Variants in ARMC9 observed in about 807,000 individuals in gnomAD.
ARMC9 encodes lisH domain-containing protein ARMC9.
Under a neutral mutation model 107.0 loss-of-function variants are expected in ARMC9, and 94 were observed. The observed-to-expected ratio is 0.88, with a 90% CI of 0.74 to 1.04. The LOEUF (loss-of-function observed/expected upper bound fraction) is 1.04. Among genes scored for constraint, ARMC9 ranks in the 50% least tolerant of loss-of-function variants. The pLI is 0.00. For missense variants in ARMC9, 942 were observed against 1,030.1 expected (o/e 0.91, Z 1.17); for synonymous variants, 380 against 396.9 (o/e 0.96, Z 0.51).
chr2:231,323,916 G>A (rs2043142150), intron 19 of ARMC9, among the ~76,000 whole-genome samples: 1 of 152,090 alleles, frequency 6.6e-6, no homozygotes, highest in Non-Finnish European at 1.5e-5. Flanking sequence ...AGAAACTGAG[G>A]CAGCGGAAGC....
chr2:231,276,654 G>A lies in ARMC9; in HGVS notation c.1353G>A (p.Ala451=), dbSNP rs775401209. The A allele has an allele frequency of 9.3e-6, 15 of 1,614,056 alleles. No individual in the cohort carries two copies. The highest frequency in any genetic ancestry group is 4.0e-5 in the African/African-American group (3 of 74,918). Residue 451 remains alanine, a synonymous_variant, in exon 15 of 25, where the codon GCG becomes GCA. Coordinates refer to ENST00000611582, the MANE Select transcript of ARMC9 (RefSeq NM_001352754.2). ...KFSLRRPLQT[A]MIQDGLIFWL... ...TTCCCAGGCGCCCGCTGCAGACAGC[G>A]ATGATTCAAGACGGCCTCATCTTCT...
chr2:231,246,663 C>T (rs1226538315), intron 9 of ARMC9, among the ~76,000 whole-genome samples: 1 of 152,178 alleles, frequency 6.6e-6, no homozygotes, highest in African/African-American at 2.4e-5. Flanking sequence ...CTGCCATGAA[C>T]ATATGAGTAC....
chr2:231,337,510 C>A (rs1472259665), intron 20 of ARMC9, among the ~76,000 whole-genome samples: 133 of 120,304 alleles, frequency 1.1e-3, no homozygotes, highest in African/African-American at 1.3e-3. Flanking sequence ...CGCTCTGTCG[C>A]CCAGGCTGGA....
At chr2:231,345,260 TC>T in intron 21 of ARMC9, 170 bp downstream of exon 21, 1 of 1,265,522 alleles carries the variant, frequency 7.9e-7, no homozygotes, top group Non-Finnish European at 1.0e-6. Flanking sequence ...CCTTCTCCCT[TC>T]CCCCAGGATT....
At chr2:231,257,103 CCG>C (rs974821936) in intron 10 of ARMC9, among the ~76,000 whole-genome samples, 2 of 152,252 alleles carry the variant, frequency 1.3e-5, no homozygotes, top group Non-Finnish European at 2.9e-5. Context: ...GCGTGAGCCA[CCG>C]CGCCTGGCCA....
At chr2:231,237,614 C>T (rs915449394) in intron 8 of ARMC9, among the ~76,000 whole-genome samples, 7 of 151,616 alleles carry the variant, frequency 4.6e-5, no homozygotes, top group South Asian at 4.2e-4. Flanking sequence ...TCTCCACACA[C>T]GGCAACACCA....
At chr2:231,288,281 G>A (rs373243615) in intron 17 of ARMC9, among the ~76,000 whole-genome samples, 258 of 152,100 alleles carry the variant, frequency 1.7e-3, no homozygotes, top group Non-Finnish European at 2.3e-3. Flanking sequence ...TCTGAGTTAC[G>A]TAAAACAATG....
rs1190020413 is a variant in ARMC9 at position 231,373,671 on chromosome 2, G to A, written c.*2136G>A. 2 of 152,232 alleles carry A rather than the reference G, an allele frequency of 1.3e-5. No individual in the cohort carries two copies. The highest frequency in any genetic ancestry group is 4.8e-5 in the African/African-American group (2 of 41,424). The allele number at this position is 152,232 out of a possible 1,614,324, so 9.4% of individuals were successfully genotyped here. On this transcript the variant is annotated 3_prime_UTR_variant, in exon 25 of 25. Transcript: ENST00000611582. This position sits in a 1 kb window ranked among gnomAD's most constrained non-coding sequence, Gnocchi z 4.4. Reference sequence around the variant, plus strand: ...CCCAGTGCTTTGGGAGGCCGAGGCGGATGGATCACTTGAGGCCTCCAGGAG... The same window carrying A: ...CCCAGTGCTTTGGGAGGCCGAGGCGAATGGATCACTTGAGGCCTCCAGGAG...
chr2:231,354,263 TA>T (rs759691541), intron 21 of ARMC9, among the ~76,000 whole-genome samples: 1,276 of 100,410 alleles, frequency 0.013, 10 homozygotes, highest in African/African-American at 0.043. Flanking sequence ...CATCTCCATT[TA>T]AAAAAAAAAA....
rs547555802 is a variant in ARMC9 at position 231,324,759 on chromosome 2, C to CTAAA, written c.1774-7017_1774-7014dup. Among the ~76,000 whole-genome samples, 58 of 151,594 alleles carry CTAAA rather than the reference C, an allele frequency of 3.8e-4. No homozygotes were observed. In the South Asian group the frequency reaches 4.4e-3, roughly 12 times the overall value. ...ACTCCATCTCTAAATAGATAACTAA[C>CTAAA]TAAATAAATAAATAAATAAAATAAA... On this transcript the variant is annotated intron_variant, in intron 19 of 24. Coordinates refer to ENST00000611582, the MANE Select transcript of ARMC9 (RefSeq NM_001352754.2).
At chr2:231,328,928 C>T (rs1575100904) in intron 19 of ARMC9, among the ~76,000 whole-genome samples, 1 of 151,506 alleles carries the variant, frequency 6.6e-6, no homozygotes. Flanking sequence ...CATTCCCCTG[C>T]CTCAGCCTCC....
chr2:231,283,856 T>C (rs2040396068), intron 17 of ARMC9, among the ~76,000 whole-genome samples: 2 of 152,138 alleles, frequency 1.3e-5, no homozygotes, highest in Non-Finnish European at 2.9e-5. Context: ...CCTCAGCTTA[T>C]CCAGTAGCTG....
chr2:231,209,242 A>G (rs1415654368), intron 3 of ARMC9, among the ~76,000 whole-genome samples: 1 of 152,114 alleles, frequency 6.6e-6, no homozygotes, highest in Non-Finnish European at 1.5e-5. Flanking sequence ...TTGGCCGAGC[A>G]TGGTGGCATG....
In ARMC9 at chr2:231,360,639, C is replaced by A; in HGVS notation, c.2132-115C>A. 6.7e-7 allele frequency: 1 copy of A among 1,487,190 alleles called. No homozygotes were observed. Among genetic ancestry groups the A allele is most frequent in the Non-Finnish European group, 9.0e-7 (1 of 1,105,376 alleles). The allele number at this position is 1,487,190 out of a possible 1,614,324, so 92.1% of individuals were successfully genotyped here. A position where few individuals can be genotyped will look rare whatever the true frequency, so the allele number is the denominator to read the frequency against. On this transcript the variant is annotated intron_variant, in intron 22 of 24. Transcript: ENST00000611582. This position sits in a 1 kb window ranked among gnomAD's most constrained non-coding sequence, Gnocchi z 4.7. ...CAAGCCACAGGCGCCAGGGAGCCCG[C>A]AGGGCCTGGCCTGGGGTGCGTGCTT...
At chr2:231,210,849 C>T (rs1422222060) in intron 3 of ARMC9, among the ~76,000 whole-genome samples, 1 of 152,150 alleles carries the variant, frequency 6.6e-6, no homozygotes, top group African/African-American at 2.4e-5. Flanking sequence ...TGTTGTGAAA[C>T]AGATCTCTAG....
At chr2:231,250,711 C>T (rs1019911813) in intron 9 of ARMC9, among the ~76,000 whole-genome samples, 3 of 152,090 alleles carry the variant, frequency 2.0e-5, no homozygotes, top group South Asian at 2.1e-4. Flanking sequence ...TAAAGCCTTG[C>T]GGGGGCCTGG....
At chr2:231,333,319 T>C (rs2043863926) in intron 20 of ARMC9, among the ~76,000 whole-genome samples, 1 of 152,206 alleles carries the variant, frequency 6.6e-6, no homozygotes, top group Non-Finnish European at 1.5e-5. Context: ...GTTTGACTCA[T>C]GTTCTAACAT....
chr2:231,219,688 A>G (rs2033901708), intron 5 of ARMC9, among the ~76,000 whole-genome samples: 1 of 152,096 alleles, frequency 6.6e-6, no homozygotes. Flanking sequence ...AAAAATTCTC[A>G]ATTAGTATCT....
At chr2:231,341,008 G>A (rs1026374836) in intron 20 of ARMC9, among the ~76,000 whole-genome samples, 1 of 152,074 alleles carries the variant, frequency 6.6e-6, no homozygotes, top group East Asian at 1.9e-4. Flanking sequence ...ATCAAGACCA[G>A]CCTCAGCAAC....
Sources: allele counts gnomAD v4.1 joint callset (sites outside exome capture counted in the v4.1 genomes callset), GRCh38; gene constraint gnomAD v4.1.1; non-coding constraint Gnocchi (gnomAD v3.1); transcripts MANE v1.5; gene names NCBI Gene and HGNC (gene_info 2026-07-23, HGNC 2026-07-21).